Variants in FAM120B observed in about 807,000 individuals in gnomAD.
The protein encoded by FAM120B is family with sequence similarity 120 member B, also known as constitutive coactivator of peroxisome proliferator-activated receptor gamma.
Under a neutral mutation model 96.3 loss-of-function variants are expected in FAM120B, and 83 were observed. That is an observed-to-expected ratio of 0.86 (90% CI 0.72 to 1.03). FAM120B has a LOEUF of 1.03. Among genes scored for constraint, FAM120B ranks in the 50% least tolerant of loss-of-function variants. FAM120B has a pLI of 0.00. For synonymous variants in FAM120B, 407 were observed against 402.7 expected (o/e 1.01, Z -0.13); for missense variants, 1,027 against 1,121.2 (o/e 0.92, Z 1.20).
At chr6:170,403,219 G>A (rs768944373) in intron 9 of FAM120B, among the ~76,000 whole-genome samples, 16 of 152,148 alleles carry the variant, frequency 1.1e-4, no homozygotes, top group Non-Finnish European at 1.6e-4. Context: ...AGTATAAAGT[G>A]TATGTTATAC....
intron 9 of FAM120B, among the ~76,000 whole-genome samples, chr6:170,402,311 C>T (rs1778628999): frequency 1.3e-5 from 2 of 152,224 alleles, no homozygotes; most frequent in Admixed American, 1.3e-4. Context: ...CCATAGCATG[C>T]CCAGTAATTT....
chr6:170,393,174 C>G (rs964879231), intron 8 of FAM120B, among the ~76,000 whole-genome samples: 25 of 149,950 alleles, frequency 1.7e-4, no homozygotes, highest in Non-Finnish European at 5.9e-5. Context: ...AAAGTCTGCA[C>G]TGCATACACA....
chr6:170,378,208 A>G (rs893363033), intron 6 of FAM120B, among the ~76,000 whole-genome samples: 2 of 152,238 alleles, frequency 1.3e-5, no homozygotes, highest in African/African-American at 2.4e-5. Flanking sequence ...CTTGCCATTT[A>G]TTTATTTATT....
intron 6 of FAM120B, among the ~76,000 whole-genome samples, chr6:170,372,589 A>G (rs763687584): frequency 2.0e-5 from 3 of 152,208 alleles, no homozygotes; most frequent in Admixed American, 6.5e-5. Context: ...GGGCTTTTAG[A>G]CAGCTGTCAG....
Position 170,318,390 on chromosome 6 carries a change from G to A in FAM120B, c.1000G>A (p.Asp334Asn). ...LDKQVISTSS[D>N]AESREEVPMC... ...CAAACAAGTAATATCCACGAGTTCAGACGCCGAATCCAGGGAAGAAGTTCC... is the reference window on the plus strand; with the variant it reads ...CAAACAAGTAATATCCACGAGTTCAAACGCCGAATCCAGGGAAGAAGTTCC... The change falls in exon 2 of 11, where the codon GAC becomes AAC. Residue 334 changes from aspartate to asparagine, a missense_variant. Physicochemically the swap from Asp to Asn is conservative, Grantham distance 23. This residue lies in a region of FAM120B where 880 missense variants were observed against 980.9 expected (regional missense o/e 0.90). Transcript: ENST00000476287. 1 of 1,614,124 alleles carries A rather than the reference G, an allele frequency of 6.2e-7. No individual in the cohort carries two copies.
intron 6 of FAM120B, among the ~76,000 whole-genome samples, chr6:170,375,896 A>G (rs996025450): frequency 6.6e-6 from 1 of 152,194 alleles, no homozygotes; most frequent in African/African-American, 2.4e-5. Context: ...AGTCAGAGGT[A>G]AGAACAAGGG....
At chr6:170,365,763 A>G (rs1788750449) in intron 6 of FAM120B, among the ~76,000 whole-genome samples, 1 of 121,782 alleles carries the variant, frequency 8.2e-6, no homozygotes, top group South Asian at 3.0e-4. Flanking sequence ...TCGGCCCCTG[A>G]CACCCCGCCT....
At chr6:170,348,459 T>G in intron 5 of FAM120B, 136 bp downstream of exon 5, 1 of 702,544 alleles carries the variant, frequency 1.4e-6, no homozygotes, top group Non-Finnish European at 2.3e-6. Flanking sequence ...ATTAGTCCTT[T>G]GAAGTGCTCT....
At chr6:170,402,355 C>G (rs1214702538) in intron 9 of FAM120B, among the ~76,000 whole-genome samples, 1 of 152,174 alleles carries the variant, frequency 6.6e-6, no homozygotes, top group Non-Finnish European at 1.5e-5. Flanking sequence ...CTGTAAGTAC[C>G]ACTTTAGCAC....
intron 6 of FAM120B, among the ~76,000 whole-genome samples, chr6:170,375,834 A>G (rs1275653649): frequency 6.6e-6 from 1 of 152,170 alleles, no homozygotes; most frequent in Non-Finnish European, 1.5e-5. Flanking sequence ...AGAGACTCCA[A>G]GGAGGAAGTG....
chr6:170,341,080 T>C (rs185877004), intron 4 of FAM120B, among the ~76,000 whole-genome samples: 35 of 152,286 alleles, frequency 2.3e-4, no homozygotes, highest in African/African-American at 7.9e-4. Flanking sequence ...GCAGGAACGT[T>C]TAAGTCCACT....
At chr6:170,355,421 A>G (rs1210833093) in intron 5 of FAM120B, among the ~76,000 whole-genome samples, 1 of 152,220 alleles carries the variant, frequency 6.6e-6, no homozygotes, top group African/African-American at 2.4e-5. Flanking sequence ...TTGCAGGGAC[A>G]TGGATGGAGT....
chr6:170,345,317 T>C (rs1787105759), intron 4 of FAM120B, among the ~76,000 whole-genome samples: 1 of 152,206 alleles, frequency 6.6e-6, no homozygotes, highest in African/African-American at 2.4e-5. Flanking sequence ...TTCAGAACTC[T>C]AACAGGCTGG....
chr6:170,389,644 C>T (rs1790378725), intron 7 of FAM120B, among the ~76,000 whole-genome samples: 2 of 152,070 alleles, frequency 1.3e-5, no homozygotes, highest in South Asian at 4.1e-4. Context: ...CTGCAAACTT[C>T]CACCTCCTGG....
At chr6:170,315,223 T>C (rs1185943058) in intron 1 of FAM120B, among the ~76,000 whole-genome samples, 1 of 152,210 alleles carries the variant, frequency 6.6e-6, no homozygotes, top group Non-Finnish European at 1.5e-5. Context: ...AGGCTTATCT[T>C]TGGCCAGCTC....
chr6:170,303,206 T>C (rs1284664003), upstream of FAM120B, among the ~76,000 whole-genome samples: 1 of 152,202 alleles, frequency 6.6e-6, no homozygotes, highest in African/African-American at 2.4e-5. Flanking sequence ...CTTATATATT[T>C]CTTTTGTATA....
Position 170,318,395 on chromosome 6 carries a change from C to T in FAM120B, c.1005C>T (p.Ala335=), listed in dbSNP as rs200181612. 60 of 1,613,920 alleles carry T rather than the reference C, an allele frequency of 3.7e-5. No homozygotes were observed. The highest frequency in any genetic ancestry group is 5.3e-5 in the African/African-American group (4 of 74,910). Residue 335 remains alanine, a synonymous_variant, in exon 2 of 11, where the codon GCC becomes GCT. Coordinates refer to ENST00000476287, the MANE Select transcript of FAM120B (RefSeq NM_032448.3). The stretch of plus-strand genomic sequence containing the variant: ...AAGTAATATCCACGAGTTCAGACGC[C>T]GAATCCAGGGAAGAAGTTCCCATGT... ...DKQVISTSSD[A]ESREEVPMCS...
At chr6:170,291,163 C>A, upstream of FAM120B, 2 of 668,830 alleles carry the variant, frequency 3.0e-6, no homozygotes, top group Non-Finnish European at 5.5e-6. Context: ...CCAGCCCCCC[C>A]TTCCTCCCTC....
chr6:170,350,247 A>C (rs890429298), intron 5 of FAM120B, among the ~76,000 whole-genome samples: 3 of 152,172 alleles, frequency 2.0e-5, no homozygotes, highest in African/African-American at 7.2e-5. Flanking sequence ...GGCACCTCAC[A>C]ATTTAAGACC....
Sources: allele counts gnomAD v4.1 joint callset (sites outside exome capture counted in the v4.1 genomes callset), GRCh38; gene constraint gnomAD v4.1.1; regional missense constraint gnomAD v4.1.1; transcripts MANE v1.5; gene names NCBI Gene and HGNC (gene_info 2026-07-23, HGNC 2026-07-21).